Variants in CNTNAP2 observed in about 807,000 individuals in gnomAD.
The protein encoded by CNTNAP2 is contactin-associated protein-like 2.
CNTNAP2 carries 98 observed loss-of-function variants against 155.2 expected under a neutral mutation model. The observed-to-expected ratio is 0.63, with a 90% CI of 0.54 to 0.75. The LOEUF is 0.75. Ranked by LOEUF, CNTNAP2 falls within the 30% of genes least tolerant of loss-of-function variation. The pLI, the probability that CNTNAP2 is intolerant of heterozygous loss-of-function variation, is 0.00. For synonymous variants in CNTNAP2, 651 were observed against 631.2 expected, an observed-to-expected ratio of 1.03 and a Z score of -0.47; for missense variants, 1,727 against 1,688.1, an observed-to-expected ratio of 1.02 and a Z score of -0.40.
chr7:146,599,314 G>T (rs13310415), intron 1 of CNTNAP2, among the ~76,000 whole-genome samples: 1 of 151,746 alleles, frequency 6.6e-6, no homozygotes, highest in East Asian at 1.9e-4. Flanking sequence ...CCCTCTAATT[G>T]TTTTCTGTCA....
At chr7:146,479,805 G>A (rs1039417142) in intron 1 of CNTNAP2, among the ~76,000 whole-genome samples, 1 of 151,714 alleles carries the variant, frequency 6.6e-6, no homozygotes, top group Non-Finnish European at 1.5e-5. Context: ...ATTTTTTTGA[G>A]ACAGAGTCTT....
chr7:147,823,390 G>A (rs926320815), intron 13 of CNTNAP2, among the ~76,000 whole-genome samples: 27 of 151,992 alleles, frequency 1.8e-4, no homozygotes, highest in African/African-American at 5.8e-4. Context: ...AGATTTCTAC[G>A]TTGTTTAGTT....
intron 1 of CNTNAP2, among the ~76,000 whole-genome samples, chr7:146,508,358 T>A (rs951229610): frequency 6.6e-6 from 1 of 152,160 alleles, no homozygotes; most frequent in Admixed American, 6.5e-5. Context: ...ATATCTACCC[T>A]GGAATGTATT....
intron 9 of CNTNAP2, among the ~76,000 whole-genome samples, chr7:147,366,709 C>T (rs952471919): frequency 2.0e-5 from 3 of 151,684 alleles, no homozygotes; most frequent in Admixed American, 2.0e-4. Context: ...TGTTCAGTAT[C>T]TTTTGATATC....
chr7:147,107,217 A>G (rs964161662), intron 4 of CNTNAP2, among the ~76,000 whole-genome samples: 14 of 152,332 alleles, frequency 9.2e-5, no homozygotes, highest in Middle Eastern at 3.4e-3. Flanking sequence ...ATTTTGAATC[A>G]TTCTATGAAT....
intron 22 of CNTNAP2, among the ~76,000 whole-genome samples, chr7:148,398,719 T>C (rs1799519660): frequency 6.6e-6 from 1 of 152,182 alleles, no homozygotes; most frequent in Non-Finnish European, 1.5e-5. Flanking sequence ...AAGCCATACA[T>C]CATGGAAGTC....
chr7:148,419,366 CAA>C lies in CNTNAP2; in HGVS notation c.*3751_*3752del, dbSNP rs1333155657. 1 of 152,268 alleles carries C rather than the reference CAA, an allele frequency of 6.6e-6. No individual in the cohort carries two copies. Among genetic ancestry groups the C allele is most frequent in the African/African-American group, 2.4e-5 (1 of 41,426 alleles). 9.4% of individuals were successfully genotyped at this position (152,268 alleles called of 1,614,324 possible). On this transcript the variant is annotated 3_prime_UTR_variant, in exon 24 of 24. Coordinates refer to ENST00000361727, the MANE Select transcript of CNTNAP2 (RefSeq NM_014141.6). ...TAAACCAGTGCGAAACAAACAGTAA[CAA>C]TGTCCCCAGCTGACTTCAGCTAAGA...
intron 2 of CNTNAP2, among the ~76,000 whole-genome samples, chr7:146,819,991 A>G (rs552324613): frequency 6.6e-6 from 1 of 152,272 alleles, no homozygotes; most frequent in African/African-American, 2.4e-5. Context: ...CTTATTCTTG[A>G]TGTAGCAGTT....
intron 1 of CNTNAP2, among the ~76,000 whole-genome samples, chr7:146,217,580 A>G (rs996418620): frequency 2.0e-5 from 3 of 152,214 alleles, no homozygotes; most frequent in Non-Finnish European, 2.9e-5. Context: ...AGAGTCAGGA[A>G]TCAAACCCTA....
At chr7:147,238,402 GACACACACACACAC>G (rs147589329) in intron 8 of CNTNAP2, among the ~76,000 whole-genome samples, 5 of 149,270 alleles carry the variant, frequency 3.3e-5, no homozygotes, top group Non-Finnish European at 7.5e-5. Context: ...TATGTGTGCA[GACACACACACACAC>G]ACACACACAC....
At chr7:148,172,640 T>C (rs1181816932) in intron 18 of CNTNAP2, among the ~76,000 whole-genome samples, 162 bp downstream of exon 18, 2 of 152,200 alleles carry the variant, frequency 1.3e-5, no homozygotes, top group African/African-American at 4.8e-5. Context: ...CCAAAATCAT[T>C]TCCTAATCAT....
At chr7:148,184,844 A>G (rs890829879) in intron 18 of CNTNAP2, among the ~76,000 whole-genome samples, 1 of 152,242 alleles carries the variant, frequency 6.6e-6, no homozygotes, top group African/African-American at 2.4e-5. Context: ...CACTAATTAT[A>G]TAAAATTCAT....
intron 1 of CNTNAP2, among the ~76,000 whole-genome samples, chr7:146,341,321 T>C (rs1008001240): frequency 6.6e-6 from 1 of 152,156 alleles, no homozygotes. Context: ...ATTATAGGTC[T>C]TAAATCCTAC....
chr7:146,602,173 G>A (rs997803983), intron 1 of CNTNAP2, among the ~76,000 whole-genome samples: 3 of 152,128 alleles, frequency 2.0e-5, no homozygotes, highest in Admixed American at 1.3e-4. Flanking sequence ...AAAGATGTAT[G>A]TTAATTTGCA....
intron 3 of CNTNAP2, among the ~76,000 whole-genome samples, chr7:146,851,691 TG>T (rs1359291290): frequency 5.6e-5 from 7 of 125,898 alleles, no homozygotes; most frequent in African/African-American, 2.0e-4. Flanking sequence ...TGTGTGTGTG[TG>T]TGTGTGTGTT....
intron 12 of CNTNAP2, among the ~76,000 whole-genome samples, chr7:147,586,325 C>A (rs544064857): frequency 3.2e-4 from 46 of 144,978 alleles, no homozygotes; most frequent in African/African-American, 9.8e-4. Flanking sequence ...TAATGCTGGT[C>A]AGCTGGGCCT....
intron 3 of CNTNAP2, among the ~76,000 whole-genome samples, chr7:146,924,043 T>C (rs955006783): frequency 2.6e-5 from 4 of 152,088 alleles, no homozygotes; most frequent in South Asian, 2.1e-4. Context: ...ATGTTTTTTT[T>C]CTTCTGCCGC....
intron 13 of CNTNAP2, among the ~76,000 whole-genome samples, chr7:147,812,147 G>A (rs1563097938): frequency 6.6e-6 from 1 of 152,132 alleles, no homozygotes; most frequent in Non-Finnish European, 1.5e-5. Context: ...ATGTGACTAT[G>A]TGGGGGAAGA....
intron 15 of CNTNAP2, among the ~76,000 whole-genome samples, chr7:147,985,890 G>C (rs1207276191): frequency 1.3e-5 from 2 of 152,134 alleles, no homozygotes; most frequent in East Asian, 3.9e-4. Context: ...GAAATCTCAG[G>C]GCGCTGGGGC....
Sources: allele counts gnomAD v4.1 joint callset (sites outside exome capture counted in the v4.1 genomes callset), GRCh38; gene constraint gnomAD v4.1.1; transcripts MANE v1.5; gene names NCBI Gene and HGNC (gene_info 2026-07-23, HGNC 2026-07-21).